The following PPP2R2C variants were observed in gnomAD, a reference collection of about 807,000 sequenced individuals.
PPP2R2C encodes the protein protein phosphatase 2, regulatory subunit B, gamma.
A neutral mutation model predicts 45.3 loss-of-function variants in PPP2R2C; 10 were observed. The observed-to-expected ratio is 0.22, with a 90% CI of 0.14 to 0.37. The LOEUF is 0.37. Ranked by LOEUF, PPP2R2C falls within the 10% of genes least tolerant of loss-of-function variation. The probability of loss-of-function intolerance (pLI) is 1.00; values close to 1 mark genes in which losing one functional copy is unlikely to be tolerated. For synonymous variants in PPP2R2C, 257 were observed against 245.4 expected (o/e 1.05, Z -0.44); for missense variants, 308 against 619.7 (o/e 0.50, Z 5.34).
Position 6,372,587 on chromosome 4 carries a change from G to C in PPP2R2C, c.561C>G (p.Thr187=). ...NSISVNSDCE[T]YMSADDLRIN... ...TGCGCAGGTCATCCGCCGACATGTA[G>C]GTCTCGCAGTCACTGTTGACGGAGA... Residue 187 remains threonine, a synonymous_variant, in exon 5 of 9, where the codon ACC becomes ACG. Transcript: ENST00000382599. 1.2e-6 allele frequency: 2 copies of C among 1,614,210 alleles called. No individual in the cohort carries two copies. Among genetic ancestry groups the C allele is most frequent in the South Asian group, 2.2e-5 (2 of 91,080 alleles).
intron 1 of PPP2R2C, among the ~76,000 whole-genome samples, chr4:6,458,757 T>G (rs1047164032): frequency 5.3e-5 from 8 of 152,182 alleles, no homozygotes. Context: ...GCAGGCATGG[T>G]GTCTACTGAC....
At chr4:6,555,113 C>T (rs1375841452) in intron 1 of PPP2R2C, among the ~76,000 whole-genome samples, 2 of 152,118 alleles carry the variant, frequency 1.3e-5, no homozygotes, top group African/African-American at 4.8e-5. Context: ...AAGGATGGCG[C>T]CTTCTCACTG....
chr4:6,563,518 C>G lies in PPP2R2C; in HGVS notation c.-59+42G>C, dbSNP rs1363202062. The G allele has an allele frequency of 1.3e-5, 2 of 152,586 alleles. No homozygotes were observed. Among genetic ancestry groups the G allele is most frequent in the African/African-American group, 4.8e-5 (2 of 41,238 alleles). The allele number at this position is 152,586 out of a possible 1,614,324, so 9.5% of individuals were successfully genotyped here. On this transcript the variant is annotated intron_variant, in intron 1 of 9. Coordinates refer to the PPP2R2C transcript ENST00000506140. This position sits in a 1 kb window ranked among gnomAD's most constrained non-coding sequence, Gnocchi z 5.8. ...GTGAGGCGGGGTGGGCGCGAGGCGGCTCCGGAGCGGCGGGGCCGGGCGCCC... is the reference window on the plus strand; with the variant it reads ...GTGAGGCGGGGTGGGCGCGAGGCGGGTCCGGAGCGGCGGGGCCGGGCGCCC...
chr4:6,555,330 G>C lies in PPP2R2C; in HGVS notation c.-59+8230C>G, dbSNP rs900676268. Among the ~76,000 whole-genome samples, 3 of 152,196 alleles carry C rather than the reference G, an allele frequency of 2.0e-5. No homozygotes were observed. In the South Asian group the frequency reaches 6.2e-4, roughly 32 times the overall value. ...CAGTGGCCACGTCTGGGGCTGCCCT[G>C]TGCAATCATTCATAACACACCCTTT... On this transcript the variant is annotated intron_variant, in intron 1 of 9. Coordinates refer to the PPP2R2C transcript ENST00000506140.
intron 2 of PPP2R2C, among the ~76,000 whole-genome samples, chr4:6,481,369 T>A (rs1005357330): frequency 6.6e-6 from 1 of 152,220 alleles, no homozygotes; most frequent in African/African-American, 2.4e-5. Context: ...TACATACTTT[T>A]TCCATATGAA....
chr4:6,528,403 G>A (rs80153382), intron 2 of PPP2R2C, among the ~76,000 whole-genome samples: 14,970 of 152,252 alleles, frequency 0.098, 848 homozygotes, highest in Middle Eastern at 0.18. Context: ...GCTGGTGAGC[G>A]CCCTGCCTCA....
intron 2 of PPP2R2C, among the ~76,000 whole-genome samples, chr4:6,519,089 C>T (rs1312579334): frequency 6.6e-6 from 1 of 152,082 alleles, no homozygotes; most frequent in Non-Finnish European, 1.5e-5. Context: ...AATTCTCCAC[C>T]ATCTCTTTCA....
intron 1 of PPP2R2C, among the ~76,000 whole-genome samples, chr4:6,412,403 G>A (rs1174260172): frequency 1.3e-5 from 2 of 152,138 alleles, no homozygotes; most frequent in African/African-American, 2.4e-5. Context: ...ATGAGACCCT[G>A]GAAGGGAAAG....
At chr4:6,473,353 C>A (rs1197279984), upstream of PPP2R2C, among the ~76,000 whole-genome samples, 1 of 152,186 alleles carries the variant, frequency 6.6e-6, no homozygotes, top group African/African-American at 2.4e-5. Context: ...TGGTAATCAG[C>A]CTGGCACATA....
At chr4:6,539,278 C>G (rs72616119) in intron 1 of PPP2R2C, among the ~76,000 whole-genome samples, 19,464 of 152,110 alleles carry the variant, frequency 0.13, 1,940 homozygotes, top group East Asian at 0.53. Flanking sequence ...GGGCAAAACA[C>G]CAGAAGCCAG....
chr4:6,381,677 C>A, intron 1 of PPP2R2C: 1 of 1,517,492 alleles, frequency 6.6e-7, no homozygotes, highest in South Asian at 1.3e-5. Flanking sequence ...CTCGCAGAAG[C>A]GAAGCTCAGC....
At chr4:6,498,956 G>A (rs572380977) in intron 2 of PPP2R2C, among the ~76,000 whole-genome samples, 29 of 151,928 alleles carry the variant, frequency 1.9e-4, no homozygotes, top group African/African-American at 6.8e-4. Context: ...CTCTCTCCCC[G>A]TCCCTCTCCC....
chr4:6,530,478 C>T (rs1036508022), intron 2 of PPP2R2C, among the ~76,000 whole-genome samples: 2 of 152,194 alleles, frequency 1.3e-5, no homozygotes, highest in Non-Finnish European at 2.9e-5. Context: ...TGGTGTCCTC[C>T]TTACTTGCTG....
Position 6,460,188 on chromosome 4 carries a change from C to A in PPP2R2C, c.70+11972G>T, listed in dbSNP as rs138748455. On this transcript the variant is annotated intron_variant, in intron 1 of 8. Transcript: ENST00000382599. ...GATTCCTTTGTTGAAGTCCTAACCC[C>A]TAGAACCTCAAAATGTGACTGTGTT... is the stretch of plus-strand genomic sequence containing the variant. Among the ~76,000 whole-genome samples, 324 of 152,274 alleles carry A rather than the reference C, an allele frequency of 2.1e-3. 1 individual carries two copies. Among genetic ancestry groups the A allele is most frequent in the African/African-American group, 7.6e-3 (314 of 41,558 alleles).
intron 2 of PPP2R2C, among the ~76,000 whole-genome samples, chr4:6,380,754 G>A (rs1044130572): frequency 6.6e-6 from 1 of 151,740 alleles, no homozygotes; most frequent in Non-Finnish European, 1.5e-5. Context: ...CTCCCACCTC[G>A]GCATTCCAAA....
Position 6,409,811 on chromosome 4 carries a change from G to A in PPP2R2C, c.71-28717C>T, listed in dbSNP as rs146399279. On this transcript the variant is annotated intron_variant, in intron 1 of 8. Coordinates refer to ENST00000382599, the MANE Select transcript of PPP2R2C (RefSeq NM_020416.4). The stretch of plus-strand genomic sequence containing the variant: ...TCTCTGGCCCCAGGGAACATGCCCC[G>A]CTCCCCAAACATGCGGTGCCCTTTT... Among the ~76,000 whole-genome samples the A allele has an allele frequency of 4.2e-3, 638 of 152,258 alleles. 4 individuals are homozygous for A. The highest frequency in any genetic ancestry group is 0.014 in the African/African-American group (598 of 41,530).
At chr4:6,540,511 C>A (rs1401073101) in intron 1 of PPP2R2C, among the ~76,000 whole-genome samples, 3 of 152,228 alleles carry the variant, frequency 2.0e-5, no homozygotes, top group African/African-American at 7.2e-5. Context: ...TTTTTGGCTA[C>A]TATGAATAGT....
At chr4:6,359,099 T>C (rs374351913) in intron 5 of PPP2R2C, among the ~76,000 whole-genome samples, 23 of 152,356 alleles carry the variant, frequency 1.5e-4, no homozygotes, top group African/African-American at 5.3e-4. Context: ...CCAACCCAAA[T>C]GTCCATCAAT....
chr4:6,358,126 A>C (rs1239497311), intron 5 of PPP2R2C, among the ~76,000 whole-genome samples: 1 of 152,198 alleles, frequency 6.6e-6, no homozygotes, highest in Non-Finnish European at 1.5e-5. Context: ...TGGTACTGGT[A>C]CCAAAACAGA....
Sources: gnomAD v4.1 joint callset for allele counts (sites outside exome capture counted in the v4.1 genomes callset) on GRCh38, gnomAD v4.1.1 for gene constraint, Gnocchi (gnomAD v3.1) non-coding constraint, MANE v1.5 for transcripts, NCBI Gene and HGNC (gene_info 2026-07-23, HGNC 2026-07-21) for gene names.